RBM44: variants seen among roughly 807,000 people sequenced by gnomAD.
RBM44 encodes the protein RNA binding motif protein 44, also known as RNA-binding protein 44.
A neutral mutation model predicts 105.1 loss-of-function variants in RBM44; 66 were observed. The ratio of observed to expected loss-of-function variants is 0.63; its 90% CI spans 0.52 to 0.77. RBM44 has a LOEUF of 0.77. Among genes scored for constraint, RBM44 ranks in the 30% least tolerant of loss-of-function variants. The pLI, the probability that RBM44 is intolerant of heterozygous loss-of-function variation, is 0.00. For missense variants in RBM44, 1,122 were observed against 1,207.8 expected, an observed-to-expected ratio of 0.93 and a Z score of 1.05; for synonymous variants, 365 against 417.6, an observed-to-expected ratio of 0.87 and a Z score of 1.54.
intron 1 of RBM44, among the ~76,000 whole-genome samples, chr2:237,809,272 T>C (rs2061631187): frequency 6.6e-6 from 1 of 152,220 alleles, no homozygotes; most frequent in Non-Finnish European, 1.5e-5. Flanking sequence ...CTTTATGCAT[T>C]AGGTCTATTA....
chr2:237,812,708 G>A (rs1172040877), intron 1 of RBM44, among the ~76,000 whole-genome samples: 1 of 152,100 alleles, frequency 6.6e-6, no homozygotes, highest in Non-Finnish European at 1.5e-5. Context: ...TAGGGGTATG[G>A]AGAGTGACAA....
intron 13 of RBM44, among the ~76,000 whole-genome samples, chr2:237,830,972 A>G (rs1417193023): frequency 6.6e-6 from 1 of 151,988 alleles, no homozygotes; most frequent in Non-Finnish European, 1.5e-5. Flanking sequence ...TTGAATCCAT[A>G]GATCAGCACA....
intron 4 of RBM44, among the ~76,000 whole-genome samples, chr2:237,819,181 G>A (rs2061756172): frequency 6.6e-6 from 1 of 151,922 alleles, no homozygotes; most frequent in Admixed American, 6.6e-5. Flanking sequence ...GAAACTCATG[G>A]CATCTAATCT....
At chr2:237,821,693 A>T in intron 7 of RBM44, 50 bp from the exon 8 acceptor site, 1 of 1,286,586 alleles carries the variant, frequency 7.8e-7, no homozygotes, top group Non-Finnish European at 1.1e-6. Flanking sequence ...TAGTCACCTT[A>T]CTCTGTTATC....
At chr2:237,811,137 C>T (rs2061654286) in intron 1 of RBM44, among the ~76,000 whole-genome samples, 1 of 152,120 alleles carries the variant, frequency 6.6e-6, no homozygotes, top group South Asian at 2.1e-4. Flanking sequence ...ATCAAATTAA[C>T]CCTCAGTTTC....
rs751314658 is a variant in RBM44 at position 237,818,548 on chromosome 2, ATC to A, written c.1636_1637del (p.Ser546ArgfsTer2). The A allele has an allele frequency of 1.3e-6, 2 of 1,593,662 alleles. No homozygotes were observed. The highest frequency in any genetic ancestry group is 1.4e-5 in the African/African-American group (1 of 73,922). ...TGGCTATAACAAAAGGATCAGGAAA[ATC>A]TCTCTCCGTTGACAGTTTAAAACCT... Reference protein sequence around the residue: ...QMAITKGSGKSLSVDSLKPNG... With the variant: ...QMAITKGSGKXLSVDSLKPNG... On this transcript the variant is annotated frameshift_variant, in exon 3 of 16. Transcript: ENST00000316997. LOFTEE classifies it high-confidence loss of function. This position sits in a 1 kb window ranked among gnomAD's most constrained non-coding sequence, Gnocchi z 4.6.
chr2:237,839,260 G>T (rs534210797), intron 15 of RBM44, among the ~76,000 whole-genome samples: 6 of 152,052 alleles, frequency 3.9e-5, no homozygotes, highest in Admixed American at 3.9e-4. Context: ...TTTTGGGTGT[G>T]GGGAGGGGTT....
At chr2:237,829,592 C>A in intron 13 of RBM44, 90 bp downstream of exon 13, 1 of 1,136,156 alleles carries the variant, frequency 8.8e-7, no homozygotes, top group Non-Finnish European at 1.3e-6. Context: ...AATATGCAGT[C>A]TTGAAATGGG....
intron 10 of RBM44, among the ~76,000 whole-genome samples, chr2:237,824,824 C>T (rs1333729777): frequency 3.9e-5 from 6 of 152,010 alleles, no homozygotes; most frequent in Non-Finnish European, 8.8e-5. Context: ...TCTCTTATTT[C>T]AATAATTTTA....
Position 237,842,718 on chromosome 2 carries a change from A to G in RBM44, c.*902A>G, listed in dbSNP as rs2062023596. The G allele has an allele frequency of 2.0e-5, 3 of 152,006 alleles. No individual in the cohort carries two copies. Among genetic ancestry groups the G allele is most frequent in the Admixed American group, 6.6e-5 (1 of 15,256 alleles). 9.4% of individuals were successfully genotyped at this position (152,006 alleles called of 1,614,324 possible). A position where few individuals can be genotyped will look rare whatever the true frequency, so the allele number is the denominator to read the frequency against. ...ATGTTTTAAATGTTTATAGCATTCAATGTGTAGTTGGATTTACTTGACTAA... is the reference window on the plus strand; with the variant it reads ...ATGTTTTAAATGTTTATAGCATTCAGTGTGTAGTTGGATTTACTTGACTAA... On this transcript the variant is annotated 3_prime_UTR_variant, in exon 16 of 16. Transcript: ENST00000316997.
intron 2 of RBM44, among the ~76,000 whole-genome samples, chr2:237,814,898 C>G (rs1190654636): frequency 4.4e-5 from 1 of 22,978 alleles, no homozygotes; most frequent in African/African-American, 2.0e-3. Context: ...TAACCCCCAC[C>G]CCCCCCTACA....
intron 7 of RBM44, 83 bp downstream of exon 7, chr2:237,821,451 C>T (rs914540307): frequency 9.7e-7 from 1 of 1,029,936 alleles, no homozygotes. Flanking sequence ...TTGTTTTGTT[C>T]CCTATTTAGA....
chr2:237,804,512 G>A (rs774277875), intron 1 of RBM44, among the ~76,000 whole-genome samples: 13 of 152,062 alleles, frequency 8.5e-5, no homozygotes, highest in Non-Finnish European at 1.6e-4. Context: ...ATTACATTGT[G>A]GTTTTGATTT....
rs2062023666 is a variant in RBM44, at chr2:237,842,722, G to A, written c.*906G>A. ...TTTAAATGTTTATAGCATTCAATGT[G>A]TAGTTGGATTTACTTGACTAAAAAT... On this transcript the variant is annotated 3_prime_UTR_variant, in exon 16 of 16. Transcript: ENST00000316997. 1 of 151,988 alleles carries A rather than the reference G, an allele frequency of 6.6e-6. No homozygotes were observed. The highest frequency in any genetic ancestry group is 2.1e-4 in the South Asian group (1 of 4,822). The allele number at this position is 151,988 out of a possible 1,614,324, so 9.4% of individuals were successfully genotyped here. A position where few individuals can be genotyped will look rare whatever the true frequency, so the allele number is the denominator to read the frequency against.
At chr2:237,821,009 T>G (rs931768816) in intron 5 of RBM44, 62 bp from the exon 6 acceptor site, 2 of 1,171,434 alleles carry the variant, frequency 1.7e-6, no homozygotes, top group Non-Finnish European at 2.4e-6. Flanking sequence ...AATATAATAT[T>G]AGTGTTAAAT....
intron 15 of RBM44, among the ~76,000 whole-genome samples, chr2:237,837,030 T>TTTTG (rs374733565): frequency 6.6e-6 from 1 of 152,046 alleles, no homozygotes; most frequent in African/African-American, 2.4e-5. Context: ...GCCAGGATAA[T>TTTTG]TTTGTTTGTT....
chr2:237,831,429 T>C (rs2061902350), intron 13 of RBM44, among the ~76,000 whole-genome samples: 1 of 152,012 alleles, frequency 6.6e-6, no homozygotes, highest in Admixed American at 6.6e-5. Context: ...TATAGGAAGC[T>C]ACTACCTTGC....
intron 2 of RBM44, among the ~76,000 whole-genome samples, chr2:237,815,706 T>C (rs912910295): frequency 5.3e-5 from 8 of 152,102 alleles, no homozygotes; most frequent in African/African-American, 1.9e-4. Context: ...AAAATGTAAT[T>C]CCGATTATGA....
intron 15 of RBM44, among the ~76,000 whole-genome samples, chr2:237,839,287 T>C (rs2061988122): frequency 6.6e-6 from 1 of 152,176 alleles, no homozygotes; most frequent in African/African-American, 2.4e-5. Flanking sequence ...TTTTTGTTTT[T>C]TGTTTTGAGA....
Sources: allele counts gnomAD v4.1 joint callset (sites outside exome capture counted in the v4.1 genomes callset), GRCh38; gene constraint gnomAD v4.1.1; non-coding constraint Gnocchi (gnomAD v3.1); transcripts MANE v1.5; gene names NCBI Gene and HGNC (gene_info 2026-07-23, HGNC 2026-07-21).